SNTG1: variants seen among roughly 807,000 people sequenced by gnomAD.
The protein encoded by SNTG1 is syntrophin gamma 1, also known as gamma-1-syntrophin.
A neutral mutation model predicts 74.7 loss-of-function variants in SNTG1; 39 were observed. That is an observed-to-expected ratio of 0.52 (90% confidence interval 0.40 to 0.68). SNTG1 has a LOEUF of 0.68. Ranked by LOEUF, SNTG1 falls within the 30% of genes least tolerant of loss-of-function variation. SNTG1 has a pLI of 0.00. For synonymous variants in SNTG1, 254 were observed against 217.1 expected (o/e 1.17, Z -1.49); for missense variants, 685 against 609.5 (o/e 1.12, Z -1.30).
chr8:49,985,817 C>A (rs538346220), intron 1 of SNTG1, among the ~76,000 whole-genome samples: 1 of 152,092 alleles, frequency 6.6e-6, no homozygotes, highest in African/African-American at 2.4e-5. Flanking sequence ...TTTATAGACA[C>A]CTGTTTGGCA....
At chr8:50,208,676 T>G (rs1036749853) in intron 2 of SNTG1, among the ~76,000 whole-genome samples, 4 of 152,194 alleles carry the variant, frequency 2.6e-5, no homozygotes, top group Non-Finnish European at 4.4e-5. Flanking sequence ...TTACAATTTG[T>G]CATGTTTTTG....
In SNTG1 at chr8:50,607,945, A is replaced by C. The variant is rs146570155; in HGVS notation, c.849+17028A>C. ...CATGGTAGTTTCTTAATTTGCCTGT[A>C]ATTTATTTCTTCTACACTTGTCTAT... On this transcript the variant is annotated intron_variant, in intron 13 of 18. Transcript: ENST00000642720. Among the ~76,000 whole-genome samples the C allele has an allele frequency of 7.9e-3, 1,201 of 151,644 alleles. 11 individuals carry two copies. Among genetic ancestry groups the C allele is most frequent in the African/African-American group, 0.026 (1,099 of 41,482 alleles).
chr8:50,292,700 A>G (rs2089174843), intron 2 of SNTG1, among the ~76,000 whole-genome samples: 1 of 152,160 alleles, frequency 6.6e-6, no homozygotes. Context: ...GAAGATGACC[A>G]GGGCATGGGA....
chr8:50,643,073 T>C (rs1222892791), intron 13 of SNTG1, among the ~76,000 whole-genome samples: 1 of 152,160 alleles, frequency 6.6e-6, no homozygotes, highest in African/African-American at 2.4e-5. Context: ...CAAACAACCT[T>C]GGGTTTTACT....
chr8:50,039,797 T>C (rs965961442), intron 1 of SNTG1, among the ~76,000 whole-genome samples: 2 of 152,114 alleles, frequency 1.3e-5, no homozygotes, highest in Admixed American at 6.5e-5. Context: ...TTTTTTCTAG[T>C]AATTTGGGAG....
chr8:50,432,798 A>G (rs1158770381), intron 4 of SNTG1, among the ~76,000 whole-genome samples: 1 of 150,224 alleles, frequency 6.7e-6, no homozygotes, highest in Non-Finnish European at 1.5e-5. Flanking sequence ...TTATTTATTT[A>G]TTCATTTTTT....
At chr8:50,710,147 C>G (rs2048208) in intron 17 of SNTG1, among the ~76,000 whole-genome samples, 34,925 of 151,954 alleles carry the variant, frequency 0.23, 4,216 homozygotes, top group Middle Eastern at 0.32. Flanking sequence ...ATTACTTAAA[C>G]ATATAGTTAT....
chr8:49,910,593 G>A (rs552044212), upstream of SNTG1, among the ~76,000 whole-genome samples: 1 of 152,082 alleles, frequency 6.6e-6, no homozygotes, highest in Non-Finnish European at 1.5e-5. Context: ...CTGAGCCCTG[G>A]GTGACAGCAC....
At chr8:50,646,319 G>T (rs2095108895) in intron 13 of SNTG1, among the ~76,000 whole-genome samples, 1 of 152,100 alleles carries the variant, frequency 6.6e-6, no homozygotes, top group Admixed American at 6.5e-5. Context: ...TGAGAGGTAG[G>T]TTCCACCCCT....
chr8:50,633,637 G>A (rs1272671092), intron 13 of SNTG1, among the ~76,000 whole-genome samples: 2 of 152,152 alleles, frequency 1.3e-5, no homozygotes, highest in African/African-American at 2.4e-5. Context: ...TGTTGAGGTG[G>A]GCTGTGCACT....
intron 13 of SNTG1, among the ~76,000 whole-genome samples, chr8:50,639,220 T>TAA (rs33934276): frequency 0.23 from 33,769 of 147,838 alleles, 4,478 homozygotes; most frequent in African/African-American, 0.36. Context: ...GCTTTTCAGT[T>TAA]AAAAAAAAAA....
At chr8:50,380,058 C>A (rs1244338200) in intron 2 of SNTG1, among the ~76,000 whole-genome samples, 1 of 152,172 alleles carries the variant, frequency 6.6e-6, no homozygotes, top group African/African-American at 2.4e-5. Flanking sequence ...GAAATCACCT[C>A]GGGACGTTTA....
chr8:49,928,972 G>T (rs2129353504), intron 1 of SNTG1, among the ~76,000 whole-genome samples: 1 of 151,928 alleles, frequency 6.6e-6, no homozygotes, highest in South Asian at 2.1e-4. Context: ...TTGGACAAGA[G>T]GCTATAATTA....
intron 2 of SNTG1, among the ~76,000 whole-genome samples, chr8:50,274,856 A>C (rs2088004619): frequency 6.6e-6 from 1 of 152,210 alleles, no homozygotes; most frequent in African/African-American, 2.4e-5. Flanking sequence ...TGATTACATA[A>C]TTGATTTTCT....
intron 18 of SNTG1, among the ~76,000 whole-genome samples, chr8:50,778,436 C>T (rs199857474): frequency 0.092 from 13,961 of 151,266 alleles, 1,896 homozygotes; most frequent in African/African-American, 0.3. Context: ...TTTTGATTTG[C>T]ATTTCTCTGA....
intron 2 of SNTG1, among the ~76,000 whole-genome samples, chr8:50,276,942 G>T (rs2088147747): frequency 6.6e-6 from 1 of 151,848 alleles, no homozygotes; most frequent in Non-Finnish European, 1.5e-5. Context: ...CCATTCTCCT[G>T]CCTCAGCCTC....
intron 2 of SNTG1, among the ~76,000 whole-genome samples, chr8:50,174,126 T>G (rs2082908246): frequency 6.6e-6 from 1 of 152,238 alleles, no homozygotes; most frequent in South Asian, 2.1e-4. Flanking sequence ...TTGCGAATGA[T>G]GGCTTCCAGC....
intron 1 of SNTG1, among the ~76,000 whole-genome samples, chr8:50,105,113 A>G (rs1478261810): frequency 1.8e-4 from 27 of 151,810 alleles, no homozygotes. Flanking sequence ...AATCTTTGCC[A>G]TATCCTACAT....
At chr8:50,371,797 T>A (rs1217619735) in intron 2 of SNTG1, among the ~76,000 whole-genome samples, 2 of 152,202 alleles carry the variant, frequency 1.3e-5, no homozygotes, top group South Asian at 2.1e-4. Context: ...CATGTCCTAC[T>A]TCGTGTCTTC....
Sources: allele counts gnomAD v4.1 joint callset (sites outside exome capture counted in the v4.1 genomes callset), GRCh38; gene constraint gnomAD v4.1.1; transcripts MANE v1.5; gene names NCBI Gene and HGNC (gene_info 2026-07-23, HGNC 2026-07-21).